SGCZ: variants seen among roughly 807,000 people sequenced by gnomAD.
SGCZ encodes sarcoglycan zeta.
In SGCZ, 40 loss-of-function variants were observed where a neutral mutation model predicts 41.3. The observed-to-expected ratio is 0.97, with a 90% CI of 0.75 to 1.26. The LOEUF (loss-of-function observed/expected upper bound fraction) is 1.26. SGCZ is among the 50% of genes most tolerant of loss of function. SGCZ has a pLI of 0.00. For synonymous variants in SGCZ, 206 were observed against 137.5 expected (o/e 1.50, Z -3.49); for missense variants, 552 against 369.8 (o/e 1.49, Z -4.04).
intron 6 of SGCZ, among the ~76,000 whole-genome samples, chr8:14,105,320 T>C (rs1019107278): frequency 7.2e-5 from 11 of 152,240 alleles, no homozygotes; most frequent in African/African-American, 2.6e-4. Context: ...AAAATATTAA[T>C]ACTCTATTAA....
chr8:14,608,700 T>C (rs771829545), intron 1 of SGCZ, among the ~76,000 whole-genome samples: 6 of 148,404 alleles, frequency 4.0e-5, no homozygotes, highest in Non-Finnish European at 7.4e-5. Context: ...TCCTCATAAA[T>C]GGCTTGGTAT....
At chr8:15,028,716 A>T (rs1803547635) in intron 1 of SGCZ, among the ~76,000 whole-genome samples, 1 of 152,060 alleles carries the variant, frequency 6.6e-6, no homozygotes, top group African/African-American at 2.4e-5. Flanking sequence ...AAATAGCTTT[A>T]ATCATTCCTT....
rs561814923 is a variant in SGCZ, at chr8:15,025,195, A to T, written c.39+212390T>A. 2.6e-5 allele frequency among the ~76,000 whole-genome samples: 4 copies of T among 152,262 alleles called. No individual in the cohort carries two copies. In the East Asian group the frequency reaches 5.8e-4, roughly 22 times the overall value. ...TTTAGAAACCAAGAACAGTATAAGC[A>T]TTTGAACAAATGATGTGAGCTTCCC... On this transcript the variant is annotated intron_variant, in intron 1 of 7. Coordinates refer to ENST00000382080, the MANE Select transcript of SGCZ (RefSeq NM_139167.4).
intron 2 of SGCZ, among the ~76,000 whole-genome samples, chr8:14,459,487 A>T (rs1013101290): frequency 7.9e-5 from 12 of 152,166 alleles, no homozygotes; most frequent in African/African-American, 2.9e-4. Flanking sequence ...GAAGGGAGAT[A>T]CGAAAATCAA....
intron 2 of SGCZ, among the ~76,000 whole-genome samples, chr8:14,330,497 G>C (rs893484656): frequency 6.6e-6 from 1 of 151,898 alleles, no homozygotes; most frequent in African/African-American, 2.4e-5. Flanking sequence ...TTTCTTATAA[G>C]AGACCGAATG....
At chr8:14,201,730 C>T (rs929903720) in intron 4 of SGCZ, among the ~76,000 whole-genome samples, 1 of 152,110 alleles carries the variant, frequency 6.6e-6, no homozygotes, top group African/African-American at 2.4e-5. Context: ...TGTCAAAGCT[C>T]ACAAAGCTCT....
At chr8:15,181,174 G>T (rs1301036172) in intron 1 of SGCZ, among the ~76,000 whole-genome samples, 1 of 151,998 alleles carries the variant, frequency 6.6e-6, no homozygotes, top group Non-Finnish European at 1.5e-5. Context: ...AATTTTTACA[G>T]GAAAAATGTT....
At chr8:14,707,385 G>A in intron 1 of SGCZ, among the ~76,000 whole-genome samples, 1 of 152,000 alleles carries the variant, frequency 6.6e-6, no homozygotes, top group South Asian at 2.1e-4. Flanking sequence ...AAATGTTTTA[G>A]AAACAGCTGT....
At chr8:15,172,156 T>TTTTTTTTTATTTA (rs1563164656) in intron 1 of SGCZ, among the ~76,000 whole-genome samples, 16 of 69,414 alleles carry the variant, frequency 2.3e-4, no homozygotes, top group East Asian at 1.5e-3. Context: ...TATACTCTGT[T>TTTTTTTTTATTTA]TTTTTTTTTT....
chr8:14,186,903 A>G (rs1354357930), intron 4 of SGCZ, among the ~76,000 whole-genome samples: 1 of 152,218 alleles, frequency 6.6e-6, no homozygotes, highest in Non-Finnish European at 1.5e-5. Flanking sequence ...AACAAATTTC[A>G]AAACTGAGCT....
intron 1 of SGCZ, among the ~76,000 whole-genome samples, chr8:15,017,744 G>T (rs1803092886): frequency 6.6e-6 from 1 of 152,100 alleles, no homozygotes; most frequent in Non-Finnish European, 1.5e-5. Context: ...GGGCTCAAGT[G>T]ATCTGCCTCC....
chr8:14,880,688 C>G (rs1301724397), intron 1 of SGCZ, among the ~76,000 whole-genome samples: 1 of 152,068 alleles, frequency 6.6e-6, no homozygotes, highest in Admixed American at 6.6e-5. Context: ...TCATTCTCAG[C>G]AAACTATCAC....
intron 1 of SGCZ, among the ~76,000 whole-genome samples, chr8:14,627,086 C>T (rs1248799393): frequency 6.6e-6 from 1 of 152,008 alleles, no homozygotes; most frequent in Non-Finnish European, 1.5e-5. Flanking sequence ...TCTTGTAATG[C>T]CATTTAGAAA....
chr8:14,677,736 A>T (rs1808320688), intron 1 of SGCZ, among the ~76,000 whole-genome samples: 1 of 152,154 alleles, frequency 6.6e-6, no homozygotes, highest in African/African-American at 2.4e-5. Context: ...GCACAAGTAA[A>T]CTCCAGTATG....
At chr8:14,298,465 T>C (rs146516856) in intron 3 of SGCZ, among the ~76,000 whole-genome samples, 2 of 152,098 alleles carry the variant, frequency 1.3e-5, no homozygotes, top group African/African-American at 4.8e-5. Flanking sequence ...ACACTACAAT[T>C]AGAAACAAAA....
intron 4 of SGCZ, among the ~76,000 whole-genome samples, chr8:14,193,070 G>C (rs4831282): frequency 2.0e-5 from 3 of 151,572 alleles, no homozygotes; most frequent in African/African-American, 7.3e-5. Flanking sequence ...ATGAAAGACT[G>C]TATCTTATAG....
chr8:14,794,304 A>G (rs1323806856), intron 1 of SGCZ, among the ~76,000 whole-genome samples: 1 of 152,158 alleles, frequency 6.6e-6, no homozygotes, highest in Non-Finnish European at 1.5e-5. Flanking sequence ...GAAAAAGAAC[A>G]TTTCTTTAAA....
At chr8:14,750,260 C>A (rs944603874) in intron 1 of SGCZ, among the ~76,000 whole-genome samples, 2 of 151,848 alleles carry the variant, frequency 1.3e-5, no homozygotes, top group East Asian at 1.9e-4. Flanking sequence ...AGGACCCAAG[C>A]AGGATTTAAC....
At chr8:14,102,126 G>T (rs1385829169) in intron 7 of SGCZ, among the ~76,000 whole-genome samples, 1 of 146,060 alleles carries the variant, frequency 6.8e-6, no homozygotes, top group African/African-American at 2.6e-5. Context: ...TTTTAGTAGA[G>T]ATGGGGTTTC....
Sources: gnomAD v4.1 joint callset for allele counts (sites outside exome capture counted in the v4.1 genomes callset) on GRCh38, gnomAD v4.1.1 for gene constraint, MANE v1.5 for transcripts, NCBI Gene and HGNC (gene_info 2026-07-23, HGNC 2026-07-21) for gene names.